HOOK1: variants seen among roughly 807,000 people sequenced by gnomAD.
HOOK1 encodes the protein hook microtubule tethering protein 1.
Under a neutral mutation model 112.8 loss-of-function variants are expected in HOOK1, and 60 were observed. That is an observed-to-expected ratio of 0.53 (90% CI 0.43 to 0.66). The LOEUF is 0.66. Ranked by LOEUF, HOOK1 falls within the 30% of genes least tolerant of loss-of-function variation. The pLI is 0.00. For missense variants in HOOK1, 770 were observed against 856.0 expected, an observed-to-expected ratio of 0.90 and a Z score of 1.25; for synonymous variants, 294 against 283.8, an observed-to-expected ratio of 1.04 and a Z score of -0.36.
intron 12 of HOOK1, among the ~76,000 whole-genome samples, chr1:59,849,758 C>T (rs774222902): frequency 3.3e-5 from 5 of 151,568 alleles, no homozygotes; most frequent in Non-Finnish European, 5.9e-5. Flanking sequence ...GTGACTGACT[C>T]TTGCAAGGTT....
intron 14 of HOOK1, 131 bp from the exon 15 acceptor site, chr1:59,860,057 C>T (rs1291113317): frequency 1.1e-5 from 6 of 545,360 alleles, no homozygotes; most frequent in Non-Finnish European, 1.8e-5. Context: ...ACCCTACCAG[C>T]TATGCTAGCT....
At position 59,848,551 on chromosome 1, in the gene HOOK1, G is replaced by A. The variant is rs189822716; in HGVS notation, c.1131+35G>A. The A allele has an allele frequency of 4.5e-4, 659 of 1,450,406 alleles. No homozygotes were observed. In the Middle Eastern group the frequency reaches 6.1e-3, roughly 13 times the overall value. The allele number at this position is 1,450,406 out of a possible 1,614,324, so 89.8% of individuals were successfully genotyped here. On this transcript the variant is annotated intron_variant, in intron 11 of 21. Transcript: ENST00000371208. ...ATCTTAATTTTTAATTGATAAAATT[G>A]TAAGAGTTTAACTTTGTTATTCCTT...
At position 59,832,218 on chromosome 1, in the gene HOOK1, G is replaced by C. The variant is rs1421972406; in HGVS notation, c.273+5G>C. On this transcript the variant is annotated splice_donor_5th_base_variant and intron_variant, in intron 4 of 21. Transcript: ENST00000371208. ...ATTATGAGTTATTATCATGAGGTAT[G>C]AAAACCATCTGACTTTGTTTAAATG... 2 of 1,541,682 alleles carry C rather than the reference G, an allele frequency of 1.3e-6. No homozygotes were observed. Among genetic ancestry groups the C allele is most frequent in the Non-Finnish European group, 1.8e-6 (2 of 1,131,792 alleles).
chr1:59,823,784 G>C (rs1313175659), intron 2 of HOOK1, among the ~76,000 whole-genome samples: 1 of 152,196 alleles, frequency 6.6e-6, no homozygotes, highest in African/African-American at 2.4e-5. Flanking sequence ...TGTTAATGCT[G>C]ATCTTCCCTC....
chr1:59,851,806 T>G (rs1291642799), intron 12 of HOOK1, among the ~76,000 whole-genome samples: 1 of 151,674 alleles, frequency 6.6e-6, no homozygotes, highest in African/African-American at 2.4e-5. Context: ...TGTTTTCGTT[T>G]TTGTTTTTGG....
At chr1:59,830,989 C>T (rs144739807) in intron 3 of HOOK1, among the ~76,000 whole-genome samples, 2,128 of 151,706 alleles carry the variant, frequency 0.014, 36 homozygotes, top group African/African-American at 0.049. Context: ...CAACCTCTGC[C>T]CCCGAGGTTC....
chr1:59,866,511 G>A (rs1643970632), intron 19 of HOOK1, among the ~76,000 whole-genome samples: 1 of 152,118 alleles, frequency 6.6e-6, no homozygotes, highest in South Asian at 2.1e-4. Flanking sequence ...ATGGGGAAGG[G>A]GCACTTCTCC....
chr1:59,852,955 T>C (rs1230110676), intron 12 of HOOK1, among the ~76,000 whole-genome samples: 1 of 151,982 alleles, frequency 6.6e-6, no homozygotes, highest in Non-Finnish European at 1.5e-5. Context: ...CCTTGTGTCA[T>C]TGATTTATTT....
chr1:59,838,595 T>G (rs2098399301), intron 7 of HOOK1, among the ~76,000 whole-genome samples: 1 of 152,238 alleles, frequency 6.6e-6, no homozygotes, highest in Non-Finnish European at 1.5e-5. Flanking sequence ...ATTCTGGATA[T>G]TAGCCCTTTG....
chr1:59,840,355 A>C lies in HOOK1; in HGVS notation c.585A>C (p.Glu195Asp). 1.3e-6 allele frequency: 2 copies of C among 1,595,086 alleles called. No individual in the cohort carries two copies. Among genetic ancestry groups the C allele is most frequent in the Non-Finnish European group, 1.7e-6 (2 of 1,171,524 alleles). The stretch of plus-strand genomic sequence containing the variant: ...TTCAGGAAGCACTAGCAGAAAAAGA[A>C]GAGCTGAGGCAAAGATGTGAAGAAT... ...EELQEALAEK[E>D]ELRQRCEELD... The change falls in exon 8 of 22, where the codon GAA becomes GAC. Residue 195 changes from glutamate to aspartate, a missense_variant. This residue lies in a region of HOOK1 where 655 missense variants were observed against 725.9 expected (regional missense o/e 0.90). Transcript: ENST00000371208.
intron 12 of HOOK1, among the ~76,000 whole-genome samples, chr1:59,857,881 C>T (rs988998691): frequency 1.3e-5 from 2 of 152,116 alleles, no homozygotes; most frequent in Admixed American, 6.5e-5. Context: ...TGTGTATCTC[C>T]AGGATACTAC....
rs1395004593 is a variant in HOOK1, at chr1:59,849,102, C to T, written c.1161C>T (p.Ser387=). The change falls in exon 12 of 22, where the codon TCC becomes TCT. Residue 387 remains serine, a synonymous_variant. Transcript: ENST00000371208. ...AAGATCTTCATGTTAAACTTTCCTCCGAATCCAAGAGGGCAGACACACTAG... is the reference window on the plus strand; with the variant it reads ...AAGATCTTCATGTTAAACTTTCCTCTGAATCCAAGAGGGCAGACACACTAG... The part of the protein sequence containing the change: ...QVQDLHVKLS[S]ESKRADTLAF... The T allele has an allele frequency of 4.4e-6, 7 of 1,607,280 alleles. No individual in the cohort carries two copies. The highest frequency in any genetic ancestry group is 2.7e-5 in the African/African-American group (2 of 74,660).
intron 21 of HOOK1, among the ~76,000 whole-genome samples, chr1:59,872,356 T>A (rs1467570849): frequency 6.6e-6 from 1 of 152,190 alleles, no homozygotes; most frequent in African/African-American, 2.4e-5. Context: ...GAACTTCTGA[T>A]TCAGTAGGTC....
chr1:59,871,796 A>C (rs1644059066), intron 21 of HOOK1, among the ~76,000 whole-genome samples: 1 of 152,192 alleles, frequency 6.6e-6, no homozygotes, highest in Admixed American at 6.5e-5. Flanking sequence ...CCCATGTGTG[A>C]ATGCTGTGCT....
intron 9 of HOOK1, among the ~76,000 whole-genome samples, chr1:59,845,997 TGTGA>T (rs985158916): frequency 4.6e-5 from 7 of 151,918 alleles, no homozygotes; most frequent in Non-Finnish European, 7.4e-5. Flanking sequence ...TGGTTTTCTT[TGTGA>T]GTGTGTTTTT....
intron 2 of HOOK1, among the ~76,000 whole-genome samples, chr1:59,828,308 G>A (rs2098391396): frequency 6.6e-6 from 1 of 152,106 alleles, no homozygotes; most frequent in Admixed American, 6.5e-5. Flanking sequence ...ATTCTACTCA[G>A]TTGAATAGAT....
chr1:59,836,277 G>A (rs1446519248), intron 6 of HOOK1, among the ~76,000 whole-genome samples: 2 of 152,266 alleles, frequency 1.3e-5, no homozygotes, highest in East Asian at 3.9e-4. Flanking sequence ...CTAAAAGGCT[G>A]AGATGGATTG....
chr1:59,829,021 A>T (rs546268969), intron 3 of HOOK1, among the ~76,000 whole-genome samples, 169 bp downstream of exon 3: 1 of 152,214 alleles, frequency 6.6e-6, no homozygotes, highest in South Asian at 2.1e-4. Flanking sequence ...TTAAATAGAA[A>T]ATATTCCTAT....
Position 59,814,983 on chromosome 1 carries a change from C to A in HOOK1, c.-135C>A, listed in dbSNP as rs1261211393. 5 of 858,122 alleles carry A rather than the reference C, an allele frequency of 5.8e-6. No homozygotes were observed. In the Admixed American group the frequency reaches 9.4e-5, roughly 16 times the overall value. The allele number at this position is 858,122 out of a possible 1,614,324, so 53.2% of individuals were successfully genotyped here. On this transcript the variant is annotated 5_prime_UTR_variant, in exon 1 of 22. Coordinates refer to ENST00000371208, the MANE Select transcript of HOOK1 (RefSeq NM_015888.6). ...GACGCGTCGACAGCGCGAGGGTTCG[C>A]GCGTGAGCTGCGCGGGTCGGGCCTG... is the stretch of plus-strand genomic sequence containing the variant.
Sources: allele counts gnomAD v4.1 joint callset (sites outside exome capture counted in the v4.1 genomes callset), GRCh38; gene constraint gnomAD v4.1.1; regional missense constraint gnomAD v4.1.1; transcripts MANE v1.5; gene names NCBI Gene and HGNC (gene_info 2026-07-23, HGNC 2026-07-21).